WIPF1: variants seen among roughly 807,000 people sequenced by gnomAD.
The protein encoded by WIPF1 is WAS/WASL interacting protein family member 1, also known as WAS/WASL-interacting protein family member 1.
WIPF1 carries 13 observed loss-of-function variants against 35.4 expected under a neutral mutation model. That is an observed-to-expected ratio of 0.37 (90% CI 0.24 to 0.58). The LOEUF is 0.58. WIPF1 is among the 20% of genes least tolerant of loss of function. The pLI, the probability that WIPF1 is intolerant of heterozygous loss-of-function variation, is 0.74. For missense variants in WIPF1, 591 were observed against 667.0 expected (o/e 0.89, Z 1.25); for synonymous variants, 267 against 266.3 (o/e 1.00, Z -0.02).
intron 1 of WIPF1, among the ~76,000 whole-genome samples, chr2:174,641,906 G>GATTTA (rs1487058672): frequency 6.6e-6 from 1 of 152,182 alleles, no homozygotes; most frequent in African/African-American, 2.4e-5. Flanking sequence ...GAGTAATTAA[G>GATTTA]ATTTACGTGG....
intron 1 of WIPF1, among the ~76,000 whole-genome samples, chr2:174,607,110 A>C (rs1466625616): frequency 2.0e-5 from 3 of 152,200 alleles, no homozygotes; most frequent in African/African-American, 7.2e-5. Flanking sequence ...TTCATTTATA[A>C]GGGCAGAGCA....
At chr2:174,573,111 AC>A (rs1385760604) in intron 4 of WIPF1, among the ~76,000 whole-genome samples, 2 of 152,160 alleles carry the variant, frequency 1.3e-5, no homozygotes, top group African/African-American at 4.8e-5. Flanking sequence ...CAACTACACA[AC>A]TTTTTTTTGG....
Position 174,567,851 on chromosome 2 carries a change from C to T in WIPF1, c.1342+10G>A. Reference sequence around the variant, plus strand: ...GCCCTATAGCCCAGGGAGCTGGGACCACACCTCACCTTCACATGGAGAGTC... The same window carrying T: ...GCCCTATAGCCCAGGGAGCTGGGACTACACCTCACCTTCACATGGAGAGTC... On this transcript the variant is annotated intron_variant, in intron 6 of 7. Transcript: ENST00000679041. The T allele has an allele frequency of 6.4e-7, 1 of 1,560,236 alleles. No homozygotes were observed. Among genetic ancestry groups the T allele is most frequent in the Non-Finnish European group, 8.7e-7 (1 of 1,151,878 alleles).
intron 1 of WIPF1, among the ~76,000 whole-genome samples, chr2:174,647,309 C>A (rs1436814573): frequency 6.6e-6 from 1 of 151,802 alleles, no homozygotes; most frequent in Non-Finnish European, 1.5e-5. Flanking sequence ...GGCCAGGAGT[C>A]CGAGGCTGCT....
chr2:174,652,817 A>C (rs1336958793), intron 1 of WIPF1, among the ~76,000 whole-genome samples: 14 of 151,936 alleles, frequency 9.2e-5, no homozygotes, highest in East Asian at 3.9e-4. Flanking sequence ...ACAAAAAAAA[A>C]CTTCATTTTC....
chr2:174,602,489 T>G (rs1686040460), upstream of WIPF1, among the ~76,000 whole-genome samples: 1 of 152,256 alleles, frequency 6.6e-6, no homozygotes, highest in Non-Finnish European at 1.5e-5. Context: ...GTTCTAAAAC[T>G]TACATTATTC....
intron 1 of WIPF1, among the ~76,000 whole-genome samples, chr2:174,639,559 TTTTTTTGTTTTTGG>T (rs1687255155): frequency 6.6e-6 from 1 of 151,336 alleles, no homozygotes; most frequent in African/African-American, 2.4e-5. Flanking sequence ...TTGTTTTTGG[TTTTTTTGTTTTTGG>T]TTTTTTTTGC....
rs1684871089 is a variant in WIPF1, at chr2:174,572,003, G to T, written c.802C>A (p.Pro268Thr). 1 of 1,547,880 alleles carries T rather than the reference G, an allele frequency of 6.5e-7. No homozygotes were observed. The highest frequency in any genetic ancestry group is 1.3e-5 in the South Asian group (1 of 79,180). ...RALDDKPPPP[P>T]PPVGNRPSIH... ...GAGGGCCTGTTGCCCACTGGAGGAG[G>T]TGGTGGAGGGGGTTTGTCATCCAAG... is the stretch of plus-strand genomic sequence containing the variant. Residue 268 changes from proline to threonine, a missense_variant, in exon 5 of 8, where the codon CCT becomes ACT. By Grantham distance (38) the Pro-to-Thr change is conservative (BLOSUM62 -1). Around this residue, in one of 3 missense-constraint regions of WIPF1, gnomAD observed 471 missense variants for 501.1 expected, o/e 0.94. Coordinates refer to ENST00000679041, the MANE Select transcript of WIPF1 (RefSeq NM_001375834.1).
chr2:174,566,809 A>C, intron 7 of WIPF1: 1 of 370,206 alleles, frequency 2.7e-6, no homozygotes, highest in Non-Finnish European at 4.9e-6. Context: ...ACGTCCAAAG[A>C]AGTAAAATAA....
At position 174,660,198 on chromosome 2, in the gene WIPF1, T is replaced by C. The variant is rs575469804; in HGVS notation, c.-39+22576A>G. 9.2e-5 allele frequency among the ~76,000 whole-genome samples: 14 copies of C among 152,310 alleles called. No individual in the cohort carries two copies. In the South Asian group the frequency reaches 2.7e-3, roughly 29 times the overall value. ...CAGGATTAGAACACAGACTACCATG[T>C]GGAAACCACAGTGGGTGGAATTCTT... is the stretch of plus-strand genomic sequence containing the variant. On this transcript the variant is annotated intron_variant, in intron 1 of 8. Coordinates refer to the WIPF1 transcript ENST00000272746.
At chr2:174,666,124 G>A (rs1687885826) in intron 1 of WIPF1, among the ~76,000 whole-genome samples, 1 of 152,060 alleles carries the variant, frequency 6.6e-6, no homozygotes, top group South Asian at 2.1e-4. Context: ...CTACAAAACT[G>A]AAAAACTTAG....
chr2:174,579,205 T>TG (rs1282347443), intron 3 of WIPF1, among the ~76,000 whole-genome samples: 1 of 152,118 alleles, frequency 6.6e-6, no homozygotes, highest in African/African-American at 2.4e-5. Flanking sequence ...TTAATAGAGA[T>TG]GGGGTTTCTC....
chr2:174,636,831 T>A (rs527417105), intron 1 of WIPF1, among the ~76,000 whole-genome samples: 2 of 152,194 alleles, frequency 1.3e-5, no homozygotes, highest in Non-Finnish European at 2.9e-5. Flanking sequence ...TAAAGTGCCA[T>A]TTTAGTCACA....
chr2:174,669,964 T>A (rs1216859285), intron 1 of WIPF1, among the ~76,000 whole-genome samples: 1 of 152,112 alleles, frequency 6.6e-6, no homozygotes, highest in Non-Finnish European at 1.5e-5. Context: ...AAAGGTGACA[T>A]GAATTAAGAT....
chr2:174,662,745 AC>A (rs1000219576), intron 1 of WIPF1, among the ~76,000 whole-genome samples: 25 of 152,192 alleles, frequency 1.6e-4, no homozygotes, highest in African/African-American at 5.5e-4. Context: ...ACACAGGAGA[AC>A]CCAGAAGCAA....
At chr2:174,680,349 C>G (rs1688221636) in intron 1 of WIPF1, among the ~76,000 whole-genome samples, 2 of 152,168 alleles carry the variant, frequency 1.3e-5, no homozygotes, top group South Asian at 4.1e-4. Flanking sequence ...ATAAATAAGC[C>G]TACCAAGCCT....
In WIPF1 at chr2:174,593,255, A is replaced by T. The variant is rs1313876876; in HGVS notation, c.-39+4346T>A. Among the ~76,000 whole-genome samples the T allele has an allele frequency of 2.6e-5, 4 of 152,198 alleles. No homozygotes were observed. In the East Asian group the frequency reaches 7.7e-4, roughly 29 times the overall value. The stretch of plus-strand genomic sequence containing the variant: ...CTCCCTCTCTCTCTCTGTGTCACAC[A>T]TACACATATACACACAATTGTTTGA... On this transcript the variant is annotated intron_variant, in intron 1 of 7. Transcript: ENST00000679041.
In WIPF1 at chr2:174,626,443, A is replaced by C. The variant is rs140274457; in HGVS notation, c.-38-40832T>G. Reference sequence around the variant, plus strand: ...AAAGATGACTTTTTTCTAGGATTCTAACTCCTATATTCAGACACACATATC... The same window carrying C: ...AAAGATGACTTTTTTCTAGGATTCTCACTCCTATATTCAGACACACATATC... On this transcript the variant is annotated intron_variant, in intron 1 of 8. Coordinates refer to the WIPF1 transcript ENST00000272746. Among the ~76,000 whole-genome samples, 1,447 of 152,296 alleles carry C rather than the reference A, an allele frequency of 9.5e-3. 9 individuals carry two copies. The highest frequency in any genetic ancestry group is 0.015 in the Non-Finnish European group (1,024 of 68,026).
intron 1 of WIPF1, among the ~76,000 whole-genome samples, chr2:174,586,398 T>A (rs528279688): frequency 1.3e-5 from 2 of 152,078 alleles, no homozygotes; most frequent in South Asian, 4.2e-4. Context: ...AAATTATATA[T>A]AAATAAAATA....
Sources: allele counts gnomAD v4.1 joint callset (sites outside exome capture counted in the v4.1 genomes callset), GRCh38; gene constraint gnomAD v4.1.1; regional missense constraint gnomAD v4.1.1; transcripts MANE v1.5; gene names NCBI Gene and HGNC (gene_info 2026-07-23, HGNC 2026-07-21).